SELENOF: variants seen among roughly 807,000 people sequenced by gnomAD.
The protein encoded by SELENOF is 15 kDa selenoprotein.
SELENOF carries 16 observed loss-of-function variants against 20.5 expected under a neutral mutation model. That is an observed-to-expected ratio of 0.78 (90% CI 0.53 to 1.19). The LOEUF (loss-of-function observed/expected upper bound fraction) is 1.19. Ranked by LOEUF, SELENOF falls within the 50% of genes most tolerant of loss-of-function variation. SELENOF has a pLI of 0.00. For missense variants in SELENOF, 215 were observed against 194.2 expected, an observed-to-expected ratio of 1.11 and a Z score of -0.64; for synonymous variants, 78 against 74.5, an observed-to-expected ratio of 1.05 and a Z score of -0.24.
intron 2 of SELENOF, among the ~76,000 whole-genome samples, chr1:86,898,997 T>C (rs1659600458): frequency 6.6e-6 from 1 of 151,992 alleles, no homozygotes; most frequent in African/African-American, 2.4e-5. Context: ...TTAAGGAGCA[T>C]GCCGCCTTCA....
intron 2 of SELENOF, among the ~76,000 whole-genome samples, chr1:86,900,073 G>A (rs61800716): frequency 0.12 from 17,465 of 149,484 alleles, 1,003 homozygotes; most frequent in Non-Finnish European, 0.13. Flanking sequence ...ATGGGATGGC[G>A]GCCGGGCAGA....
intron 1 of SELENOF, among the ~76,000 whole-genome samples, chr1:86,907,886 T>C (rs1278042681): frequency 6.6e-6 from 1 of 151,756 alleles, no homozygotes; most frequent in African/African-American, 2.4e-5. Context: ...CTCAGGAGGC[T>C]GAGGCAGGAG....
At chr1:86,868,154 G>T in intron 3 of SELENOF, 52 bp from the exon 4 acceptor site, 2 of 841,148 alleles carry the variant, frequency 2.4e-6, no homozygotes. Flanking sequence ...ATCCAAGCTA[G>T]CTAAAAAGAT....
chr1:86,903,194 T>C, intron 2 of SELENOF, 87 bp downstream of exon 2: 2 of 1,215,798 alleles, frequency 1.6e-6, no homozygotes. Context: ...TAGAGGCTTT[T>C]TTACACTTAA....
chr1:86,866,307 C>T lies in SELENOF; in HGVS notation c.366+1746G>A, dbSNP rs917300898. On this transcript the variant is annotated intron_variant, in intron 4 of 4. Coordinates refer to ENST00000331835, the MANE Select transcript of SELENOF (RefSeq NM_004261.5). ...TTCTTAAAAAGGAAGGAAATCCTGT[C>T]ACACAATACAACATGGATGAACCCT... 2.7e-5 allele frequency among the ~76,000 whole-genome samples: 4 copies of T among 145,574 alleles called. No individual in the cohort carries two copies. The Admixed American group carries it at 2.8e-4, about 10-fold the overall frequency.
intron 1 of SELENOF, among the ~76,000 whole-genome samples, chr1:86,910,339 T>C (rs1177173914): frequency 6.6e-6 from 1 of 152,118 alleles, no homozygotes; most frequent in Non-Finnish European, 1.5e-5. Flanking sequence ...TTTTATTTGA[T>C]GGTAAGTTAG....
At chr1:86,912,973 CAGT>C (rs1239382734) in intron 1 of SELENOF, among the ~76,000 whole-genome samples, 9 of 152,068 alleles carry the variant, frequency 5.9e-5, no homozygotes. Context: ...AACCCTTAAA[CAGT>C]AGAAAGTTTA....
rs529480997 is a variant in SELENOF, at chr1:86,900,076, C to T, written c.252+3205G>A. On this transcript the variant is annotated intron_variant, in intron 2 of 4. Coordinates refer to ENST00000331835, the MANE Select transcript of SELENOF (RefSeq NM_004261.5). ...CTCACTTCCTAGATGGGATGGCGGCCGGGCAGAGACGCTCCTCACTTTCCA... is the reference window on the plus strand; with the variant it reads ...CTCACTTCCTAGATGGGATGGCGGCTGGGCAGAGACGCTCCTCACTTTCCA... Among the ~76,000 whole-genome samples, 1,078 of 144,826 alleles carry T rather than the reference C, an allele frequency of 7.4e-3. 9 individuals carry two copies. The highest frequency in any genetic ancestry group is 0.024 in the African/African-American group (932 of 38,860).
intron 2 of SELENOF, among the ~76,000 whole-genome samples, chr1:86,888,813 G>A (rs536783583): frequency 3.9e-5 from 6 of 152,140 alleles, no homozygotes; most frequent in South Asian, 2.1e-4. Flanking sequence ...ACAGGCGTGC[G>A]CCACCACGCC....
intron 2 of SELENOF, among the ~76,000 whole-genome samples, chr1:86,887,561 T>C (rs999463446): frequency 6.6e-6 from 1 of 152,022 alleles, no homozygotes; most frequent in African/African-American, 2.4e-5. Context: ...AAAAGCTCAA[T>C]GAAAATATAC....
chr1:86,904,919 T>C (rs1401515955), intron 1 of SELENOF, among the ~76,000 whole-genome samples: 2 of 152,218 alleles, frequency 1.3e-5, no homozygotes, highest in Non-Finnish European at 1.5e-5. Flanking sequence ...TATTTATCCA[T>C]GGCTTCAGAT....
At chr1:86,913,633 C>A (rs904810356) in intron 1 of SELENOF, among the ~76,000 whole-genome samples, 1 of 152,138 alleles carries the variant, frequency 6.6e-6, no homozygotes, top group Admixed American at 6.5e-5. Context: ...TTCGCCTGGA[C>A]CAACGACTTG....
intron 2 of SELENOF, among the ~76,000 whole-genome samples, chr1:86,890,659 T>C (rs1659358234): frequency 2.0e-5 from 3 of 151,096 alleles, no homozygotes; most frequent in African/African-American, 7.3e-5. Context: ...CACCCAGCTT[T>C]TTTTTTTTTT....
At chr1:86,878,434 C>A (rs1658978078) in intron 3 of SELENOF, among the ~76,000 whole-genome samples, 1 of 152,192 alleles carries the variant, frequency 6.6e-6, no homozygotes, top group Non-Finnish European at 1.5e-5. Flanking sequence ...GTAATCCCAG[C>A]ATTGGGAGGC....
intron 1 of SELENOF, among the ~76,000 whole-genome samples, chr1:86,908,844 G>A (rs562463284): frequency 5.5e-4 from 83 of 152,286 alleles, no homozygotes; most frequent in African/African-American, 1.8e-3. Flanking sequence ...CCCTAAGACT[G>A]TACTAAAATA....
chr1:86,870,423 T>G (rs939680491), intron 3 of SELENOF, among the ~76,000 whole-genome samples: 2 of 152,228 alleles, frequency 1.3e-5, no homozygotes, highest in Non-Finnish European at 2.9e-5. Context: ...ATCTTATGAT[T>G]TTTATTGCCT....
At chr1:86,906,669 A>G (rs1167318652) in intron 1 of SELENOF, among the ~76,000 whole-genome samples, 2 of 152,210 alleles carry the variant, frequency 1.3e-5, no homozygotes, top group Non-Finnish European at 2.9e-5. Context: ...AGCAACTGAA[A>G]ACTCCAGCTG....
At chr1:86,886,057 G>A (rs369402600) in intron 2 of SELENOF, among the ~76,000 whole-genome samples, 1 of 152,038 alleles carries the variant, frequency 6.6e-6, no homozygotes, top group Non-Finnish European at 1.5e-5. Flanking sequence ...CTCATTGTTC[G>A]TCTGTAATGA....
chr1:86,897,356 A>C (rs376160510), intron 2 of SELENOF, among the ~76,000 whole-genome samples: 3 of 152,324 alleles, frequency 2.0e-5, no homozygotes, highest in Non-Finnish European at 4.4e-5. Flanking sequence ...GCAAAACAAT[A>C]GATATAATAT....
Sources: allele counts gnomAD v4.1 joint callset (sites outside exome capture counted in the v4.1 genomes callset), GRCh38; gene constraint gnomAD v4.1.1; transcripts MANE v1.5; gene names NCBI Gene and HGNC (gene_info 2026-07-23, HGNC 2026-07-21).